The following SORCS2 variants were observed in gnomAD, a reference collection of about 807,000 sequenced individuals.
SORCS2 encodes the protein VPS10 domain-containing receptor SorCS2.
SORCS2 carries 100 observed loss-of-function variants against 141.6 expected under a neutral mutation model. That is an observed-to-expected ratio of 0.71 (90% CI 0.60 to 0.83). SORCS2 has a LOEUF of 0.83. Among genes scored for constraint, SORCS2 ranks in the 40% least tolerant of loss-of-function variants. The pLI is 0.00. For missense variants in SORCS2, 1,646 were observed against 1,560.2 expected, an observed-to-expected ratio of 1.05 and a Z score of -0.93; for synonymous variants, 789 against 676.9, an observed-to-expected ratio of 1.17 and a Z score of -2.57.
chr4:7,408,418 C>G (rs1032693710), intron 2 of SORCS2, among the ~76,000 whole-genome samples: 2 of 151,308 alleles, frequency 1.3e-5, no homozygotes, highest in African/African-American at 4.9e-5. Flanking sequence ...TTGAAAATGT[C>G]TTTCCACTCC....
intron 2 of SORCS2, among the ~76,000 whole-genome samples, chr4:7,406,913 ATTTC>A (rs1725005240): frequency 6.6e-6 from 1 of 151,886 alleles, no homozygotes; most frequent in African/African-American, 2.4e-5. Flanking sequence ...AAATTTTATA[ATTTC>A]TTTCTCAATT....
intron 11 of SORCS2, among the ~76,000 whole-genome samples, chr4:7,691,655 G>A (rs1056297240): frequency 6.6e-6 from 1 of 152,076 alleles, no homozygotes; most frequent in Non-Finnish European, 1.5e-5. Flanking sequence ...TCAATGTGAA[G>A]CCGCTGACTG....
intron 2 of SORCS2, among the ~76,000 whole-genome samples, chr4:7,397,179 C>T (rs1349427249): frequency 2.6e-5 from 4 of 152,146 alleles, no homozygotes; most frequent in African/African-American, 7.2e-5. Context: ...ATCAGGACCT[C>T]GAGTTGGTTT....
chr4:7,425,365 G>A (rs369882537), intron 2 of SORCS2, among the ~76,000 whole-genome samples: 19 of 152,302 alleles, frequency 1.2e-4, no homozygotes, highest in African/African-American at 3.9e-4. Context: ...CCCCGATAAA[G>A]GGCCTTGCCT....
Position 7,433,477 on chromosome 4 carries a change from G to T in SORCS2, c.548+37122G>T, listed in dbSNP as rs761604402. 1.9e-6 allele frequency: 3 copies of T among 1,579,210 alleles called. No individual in the cohort carries two copies. Among genetic ancestry groups the T allele is most frequent in the East Asian group, 2.3e-5 (1 of 44,190 alleles). ...CAGTGGGGTCCTGGGGCCGTGGCAG[G>T]CCCCCACCTTCTTGCACACAGCCAC... On this transcript the variant is annotated intron_variant, in intron 2 of 26. Coordinates refer to ENST00000507866, the MANE Select transcript of SORCS2 (RefSeq NM_020777.3).
At chr4:7,444,874 T>C (rs1183782426) in intron 2 of SORCS2, among the ~76,000 whole-genome samples, 1 of 152,236 alleles carries the variant, frequency 6.6e-6, no homozygotes. Flanking sequence ...GAATGTGGCA[T>C]GTGCGAGAAA....
chr4:7,492,156 G>T (rs1474396848), intron 2 of SORCS2, among the ~76,000 whole-genome samples: 2 of 152,198 alleles, frequency 1.3e-5, no homozygotes, highest in African/African-American at 4.8e-5. Flanking sequence ...CGACAGCCTG[G>T]CCCTCTCTCC....
At chr4:7,635,795 G>A (rs1295636289) in intron 3 of SORCS2, among the ~76,000 whole-genome samples, 1 of 152,128 alleles carries the variant, frequency 6.6e-6, no homozygotes, top group Non-Finnish European at 1.5e-5. Flanking sequence ...GACAAAAGTC[G>A]TCCAAGGAAT....
intron 2 of SORCS2, among the ~76,000 whole-genome samples, chr4:7,485,606 C>T (rs978551211): frequency 2.6e-5 from 4 of 152,218 alleles, no homozygotes; most frequent in African/African-American, 9.6e-5. Context: ...ATGGAAAACA[C>T]GGGAAGGAAA....
intron 1 of SORCS2, among the ~76,000 whole-genome samples, chr4:7,230,687 C>CTGG (rs1711801760): frequency 8.0e-6 from 1 of 125,226 alleles, no homozygotes. Flanking sequence ...AGTCTCTGGG[C>CTGG]AGGAGCAGTG....
At chr4:7,676,648 C>A (rs1577063597) in intron 9 of SORCS2, among the ~76,000 whole-genome samples, 2 of 149,780 alleles carry the variant, frequency 1.3e-5, no homozygotes, top group Admixed American at 6.6e-5. Context: ...TCCCTCTCTC[C>A]CTCTCTCTCT....
At chr4:7,252,355 G>A (rs1429157109) in intron 1 of SORCS2, among the ~76,000 whole-genome samples, 1 of 152,186 alleles carries the variant, frequency 6.6e-6, no homozygotes, top group Non-Finnish European at 1.5e-5. Flanking sequence ...GGGCCCGGGT[G>A]GGGCAGGGCA....
chr4:7,236,947 T>C (rs913834553), intron 1 of SORCS2, among the ~76,000 whole-genome samples: 3 of 152,234 alleles, frequency 2.0e-5, no homozygotes, highest in Admixed American at 1.3e-4. Context: ...GATGGAGACC[T>C]GGCCTTGGGG....
chr4:7,253,908 A>T (rs901687124), intron 1 of SORCS2, among the ~76,000 whole-genome samples: 1 of 152,154 alleles, frequency 6.6e-6, no homozygotes, highest in Admixed American at 6.5e-5. Context: ...CCAGGGTAAG[A>T]GTTATATGAA....
intron 1 of SORCS2, among the ~76,000 whole-genome samples, chr4:7,391,000 G>A (rs1224082565): frequency 1.3e-5 from 2 of 152,144 alleles, no homozygotes; most frequent in Non-Finnish European, 2.9e-5. Flanking sequence ...GGGCGTCTAT[G>A]TTCTGATTTC....
chr4:7,493,830 T>A (rs922405740), intron 2 of SORCS2, among the ~76,000 whole-genome samples: 1 of 152,236 alleles, frequency 6.6e-6, no homozygotes, highest in Non-Finnish European at 1.5e-5. Context: ...TTCCTTTTTA[T>A]GATTTTAATA....
chr4:7,633,088 G>A (rs1720002201), intron 3 of SORCS2, among the ~76,000 whole-genome samples: 1 of 152,230 alleles, frequency 6.6e-6, no homozygotes, highest in African/African-American at 2.4e-5. Flanking sequence ...AAGCTATTTT[G>A]ATTTGATCAC....
chr4:7,268,727 G>A (rs1358018230), intron 1 of SORCS2, among the ~76,000 whole-genome samples: 1 of 152,214 alleles, frequency 6.6e-6, no homozygotes, highest in Non-Finnish European at 1.5e-5. Flanking sequence ...GCCAGGGAGT[G>A]GAGGAGGAGC....
At chr4:7,625,303 G>A (rs964262855) in intron 3 of SORCS2, among the ~76,000 whole-genome samples, 1 of 152,108 alleles carries the variant, frequency 6.6e-6, no homozygotes, top group Non-Finnish European at 1.5e-5. Flanking sequence ...ACAGAGCTGG[G>A]TCTCATGCCA....
Sources: allele counts gnomAD v4.1 joint callset (sites outside exome capture counted in the v4.1 genomes callset), GRCh38; gene constraint gnomAD v4.1.1; transcripts MANE v1.5; gene names NCBI Gene and HGNC (gene_info 2026-07-23, HGNC 2026-07-21).